Variants in DERA observed in about 807,000 individuals in gnomAD.
DERA encodes deoxyribose-phosphate aldolase, also known as 2-deoxy-D-ribose 5-phosphate aldolase.
Under a neutral mutation model 41.1 loss-of-function variants are expected in DERA, and 15 were observed. The observed-to-expected ratio is 0.37, with a 90% CI of 0.24 to 0.56. The LOEUF (loss-of-function observed/expected upper bound fraction) is 0.56. DERA is among the 20% of genes least tolerant of loss of function. The probability of loss-of-function intolerance (pLI) is 0.81; values close to 1 mark genes in which losing one functional copy is unlikely to be tolerated. For synonymous variants in DERA, 139 were observed against 137.4 expected (o/e 1.01, Z -0.08); for missense variants, 396 against 403.4 (o/e 0.98, Z 0.16).
At position 15,992,069 on chromosome 12, in the gene DERA, A is replaced by AT. The variant is rs201456397; in HGVS notation, c.637+9647dup. On this transcript the variant is annotated intron_variant, in intron 6 of 8. Coordinates refer to ENST00000428559, the MANE Select transcript of DERA (RefSeq NM_015954.4). The surrounding 1 kb of genome is among the most constrained non-coding windows in gnomAD (Gnocchi z 4.3). Reference sequence around the variant, plus strand: ...CAGCATCAACTGTTTTACCTGTTAGATTTTTTTTTTTTTTCAAAACTGTGC... The same window carrying AT: ...CAGCATCAACTGTTTTACCTGTTAGATTTTTTTTTTTTTTTCAAAACTGTGC... Among the ~76,000 whole-genome samples, 18,587 of 145,330 alleles carry AT rather than the reference A, an allele frequency of 0.13. 1,516 individuals carry two copies. Among genetic ancestry groups the AT allele is most frequent in the African/African-American group, 0.24 (9,684 of 40,126 alleles).
In DERA at chr12:15,931,838, A is replaced by G. The variant is rs1948330345; in HGVS notation, c.31+20424A>G. Among the ~76,000 whole-genome samples, 1 of 152,180 alleles carries G rather than the reference A, an allele frequency of 6.6e-6. No homozygotes were observed. The highest frequency in any genetic ancestry group is 2.1e-4 in the South Asian group (1 of 4,832). On this transcript the variant is annotated intron_variant, in intron 1 of 8. Transcript: ENST00000428559. The surrounding 1 kb of genome is among the most constrained non-coding windows in gnomAD (Gnocchi z 4.6). ...TCATGAGAGTGGGTTGTTAAAAATA[A>G]TCTGGCTTCCTTGTTTTTTCTTCTG...
At position 15,985,920 on chromosome 12, in the gene DERA, CTGGTTCTGTTTATTACTAAGAGAGTGT is replaced by C. The variant is rs1948761267; in HGVS notation, c.637+3486_637+3512del. ...CTAGTTTTGTTTTCTTTTTGGTCTACTGGTTCTGTTTATTACTAAGAGAGTGTTAAAGTCTCCAAACATGATTGTGGA... is the reference window on the plus strand; with the variant it reads ...CTAGTTTTGTTTTCTTTTTGGTCTACTAAAGTCTCCAAACATGATTGTGGA... On this transcript the variant is annotated intron_variant, in intron 6 of 8. Transcript: ENST00000428559. This position sits in a 1 kb window ranked among gnomAD's most constrained non-coding sequence, Gnocchi z 4.2. 6.6e-6 allele frequency among the ~76,000 whole-genome samples: 1 copy of C among 152,120 alleles called. No individual in the cohort carries two copies. Among genetic ancestry groups the C allele is most frequent in the Non-Finnish European group, 1.5e-5 (1 of 68,002 alleles).
At position 15,956,973 on chromosome 12, in the gene DERA, G is replaced by A. The variant is rs371541567; in HGVS notation, c.69G>A (p.Pro23=). ...SWISKIQVNH[P]AVLRRAEQIQ... ...TCTCCAAAATACAAGTGAATCACCC[G>A]GCAGTTCTGAGGCGTGCGGAACAAA... The change falls in exon 2 of 9, where the codon CCG becomes CCA. Residue 23 remains proline (P), a synonymous_variant. Coordinates refer to ENST00000428559, the MANE Select transcript of DERA (RefSeq NM_015954.4). The A allele has an allele frequency of 1.3e-4, 206 of 1,613,714 alleles. No individual in the cohort carries two copies. Among genetic ancestry groups the A allele is most frequent in the Non-Finnish European group, 1.7e-4 (203 of 1,179,846 alleles).
chr12:15,989,404 T>A lies in DERA; in HGVS notation c.637+6968T>A, dbSNP rs1948787009. Among the ~76,000 whole-genome samples, 1 of 152,256 alleles carries A rather than the reference T, an allele frequency of 6.6e-6. No individual in the cohort carries two copies. The highest frequency in any genetic ancestry group is 6.5e-5 in the Admixed American group (1 of 15,292). On this transcript the variant is annotated intron_variant, in intron 6 of 8. Coordinates refer to ENST00000428559, the MANE Select transcript of DERA (RefSeq NM_015954.4). The surrounding 1 kb of genome is among the most constrained non-coding windows in gnomAD (Gnocchi z 5.2). Reference sequence around the variant, plus strand: ...TTTAGAATTTCCATTTGATTCTTTTTTATAATTTTTATTTCTCTACTGACA... The same window carrying A: ...TTTAGAATTTCCATTTGATTCTTTTATATAATTTTTATTTCTCTACTGACA...
In DERA at chr12:16,008,422, G is replaced by T. The variant is rs941121099; in HGVS notation, c.638-24120G>T. Among the ~76,000 whole-genome samples the T allele has an allele frequency of 1.3e-5, 2 of 149,348 alleles. No individual in the cohort carries two copies. The highest frequency in any genetic ancestry group is 4.9e-5 in the African/African-American group (2 of 40,548). ...ATGGGGTGGGGAATTACCTGCATAG[G>T]CATAGCTGGTGGTGTCTTAGGGGTG... On this transcript the variant is annotated intron_variant, in intron 6 of 8. Coordinates refer to ENST00000428559, the MANE Select transcript of DERA (RefSeq NM_015954.4). The surrounding 1 kb of genome is among the most constrained non-coding windows in gnomAD (Gnocchi z 4.8).
chr12:15,927,176 A>G (rs889084438), intron 1 of DERA, among the ~76,000 whole-genome samples: 1 of 152,238 alleles, frequency 6.6e-6, no homozygotes, highest in Non-Finnish European at 1.5e-5. Flanking sequence ...ATGGTAATAC[A>G]TATAATAAAG....
chr12:16,029,911 G>GTTTTT (rs1225412717), intron 6 of DERA, among the ~76,000 whole-genome samples: 10 of 67,916 alleles, frequency 1.5e-4, no homozygotes, highest in Admixed American at 3.7e-4. Flanking sequence ...TGTAGCCTTG[G>GTTTTT]TCTTTTTTTT....
chr12:16,032,513 A>T, intron 6 of DERA, 29 bp from the exon 7 acceptor site: 1 of 1,221,068 alleles, frequency 8.2e-7, no homozygotes, highest in Non-Finnish European at 1.1e-6. Context: ...TCTTTAATTA[A>T]CATGGAGTTT....
At chr12:16,025,383 A>C (rs536173058) in intron 6 of DERA, among the ~76,000 whole-genome samples, 1 of 152,256 alleles carries the variant, frequency 6.6e-6, no homozygotes, top group South Asian at 2.1e-4. Flanking sequence ...AACACTCATC[A>C]AAGTAAAGTG....
Position 15,999,080 on chromosome 12 carries a change from G to A in DERA, c.637+16644G>A, listed in dbSNP as rs114258353. Among the ~76,000 whole-genome samples, 1,205 of 152,282 alleles carry A rather than the reference G, an allele frequency of 7.9e-3. 15 individuals are homozygous for A. Among genetic ancestry groups the A allele is most frequent in the African/African-American group, 0.027 (1,127 of 41,546 alleles). On this transcript the variant is annotated intron_variant, in intron 6 of 8. Transcript: ENST00000428559. This position sits in a 1 kb window ranked among gnomAD's most constrained non-coding sequence, Gnocchi z 5.3. ...AATTCCAAACTGTGTCGGGGAATGG[G>A]AGGAAATGAGGGATGGAGGGTTGGT...
In DERA at chr12:15,994,218, G is replaced by A. The variant is rs1948821540; in HGVS notation, c.637+11782G>A. Among the ~76,000 whole-genome samples the A allele has an allele frequency of 6.6e-6, 1 of 152,142 alleles. No individual in the cohort carries two copies. Among genetic ancestry groups the A allele is most frequent in the Admixed American group, 6.5e-5 (1 of 15,280 alleles). On this transcript the variant is annotated intron_variant, in intron 6 of 8. Transcript: ENST00000428559. The surrounding 1 kb of genome is among the most constrained non-coding windows in gnomAD (Gnocchi z 4.8). ...AGGTATCACACATATGAGTACAGTG[G>A]CATCAATGATATATCTGTAATCAAC...
chr12:15,980,779 A>G (rs1014843011), intron 5 of DERA, among the ~76,000 whole-genome samples: 3 of 152,138 alleles, frequency 2.0e-5, no homozygotes, highest in African/African-American at 7.2e-5. Flanking sequence ...CAAACTTTCT[A>G]AACTTACTGA....
chr12:16,018,603 A>C (rs1948999706), intron 6 of DERA, among the ~76,000 whole-genome samples: 1 of 152,120 alleles, frequency 6.6e-6, no homozygotes, highest in Admixed American at 6.6e-5. Context: ...AGCTGATTAG[A>C]AGTCATTCTG....
chr12:15,950,827 G>C (rs1197655259), intron 1 of DERA, among the ~76,000 whole-genome samples: 1 of 152,170 alleles, frequency 6.6e-6, no homozygotes, highest in Non-Finnish European at 1.5e-5. Flanking sequence ...TATTAGGAAA[G>C]GCCTATGAGA....
intron 6 of DERA, among the ~76,000 whole-genome samples, chr12:16,002,831 A>G (rs565077942): frequency 6.6e-6 from 1 of 152,174 alleles, no homozygotes; most frequent in South Asian, 2.1e-4. Flanking sequence ...TTTCTTGGCT[A>G]TGTCCTCCTT....
At position 15,995,190 on chromosome 12, in the gene DERA, A is replaced by T. The variant is rs1948829072; in HGVS notation, c.637+12754A>T. On this transcript the variant is annotated intron_variant, in intron 6 of 8. Transcript: ENST00000428559. The surrounding 1 kb of genome is among the most constrained non-coding windows in gnomAD (Gnocchi z 5.1). ...GGCCCTGAATGAGATTGTATGTTGC[A>T]CTTTACTTTTCTGTTGAGGGCAAGA... 6.6e-6 allele frequency among the ~76,000 whole-genome samples: 1 copy of T among 152,228 alleles called. No homozygotes were observed. Among genetic ancestry groups the T allele is most frequent in the South Asian group, 2.1e-4 (1 of 4,836 alleles).
rs758892798 is a variant in DERA at position 15,989,439 on chromosome 12, T to A, written c.637+7003T>A. Among the ~76,000 whole-genome samples, 1 of 152,246 alleles carries A rather than the reference T, an allele frequency of 6.6e-6. No individual in the cohort carries two copies. The highest frequency in any genetic ancestry group is 1.5e-5 in the Non-Finnish European group (1 of 68,042). ...TATTTCTCTACTGACATGTCCCCAC[T>A]TTTTCACTGGTTGAGATCATATTTT... On this transcript the variant is annotated intron_variant, in intron 6 of 8. Coordinates refer to ENST00000428559, the MANE Select transcript of DERA (RefSeq NM_015954.4). The surrounding 1 kb of genome is among the most constrained non-coding windows in gnomAD (Gnocchi z 5.2).
At position 15,958,346 on chromosome 12, in the gene DERA, T is replaced by C; in HGVS notation, c.277+11T>C. 6.3e-7 allele frequency: 1 copy of C among 1,593,884 alleles called. No homozygotes were observed. The highest frequency in any genetic ancestry group is 8.5e-7 in the Non-Finnish European group (1 of 1,171,162). On this transcript the variant is annotated intron_variant, in intron 3 of 8. Coordinates refer to ENST00000428559, the MANE Select transcript of DERA (RefSeq NM_015954.4). ...ATATGCATGATAAAGGTAATGTTGT[T>C]GTGTGTGATCTATGTGGTGTTTAGT...
Position 15,928,699 on chromosome 12 carries a change from G to A in DERA, c.31+17285G>A, listed in dbSNP as rs1948305271. ...TTAAAAGCTGTCTGGGAGAAGAATAGAAAATTCGGCTCTCACTAAAGTGTG... is the reference window on the plus strand; with the variant it reads ...TTAAAAGCTGTCTGGGAGAAGAATAAAAAATTCGGCTCTCACTAAAGTGTG... On this transcript the variant is annotated intron_variant, in intron 1 of 8. Coordinates refer to ENST00000428559, the MANE Select transcript of DERA (RefSeq NM_015954.4). This position sits in a 1 kb window ranked among gnomAD's most constrained non-coding sequence, Gnocchi z 4.6. Among the ~76,000 whole-genome samples, 1 of 152,152 alleles carries A rather than the reference G, an allele frequency of 6.6e-6. No homozygotes were observed.
Sources: gnomAD v4.1 joint callset for allele counts (sites outside exome capture counted in the v4.1 genomes callset) on GRCh38, gnomAD v4.1.1 for gene constraint, Gnocchi (gnomAD v3.1) non-coding constraint, MANE v1.5 for transcripts, NCBI Gene and HGNC (gene_info 2026-07-23, HGNC 2026-07-21) for gene names.